DGKG: variants seen among roughly 807,000 people sequenced by gnomAD.
DGKG encodes the protein diacylglycerol kinase gamma, also known as DAG kinase gamma.
Under a neutral mutation model 105.3 loss-of-function variants are expected in DGKG, and 78 were observed. The observed-to-expected ratio is 0.74, with a 90% CI of 0.62 to 0.89. The LOEUF is 0.89. Ranked by LOEUF, DGKG falls within the 40% of genes least tolerant of loss-of-function variation. The pLI, the probability that DGKG is intolerant of heterozygous loss-of-function variation, is 0.00. For missense variants in DGKG, 958 were observed against 1,020.1 expected (o/e 0.94, Z 0.83); for synonymous variants, 346 against 367.1 (o/e 0.94, Z 0.66).
intron 3 of DGKG, 47 bp from the exon 4 acceptor site, chr3:186,298,276 C>G: frequency 1.3e-6 from 2 of 1,505,772 alleles, no homozygotes; most frequent in Non-Finnish European, 1.8e-6. Flanking sequence ...AGCAAAGGGA[C>G]AGAGAGGAAG....
intron 1 of DGKG, among the ~76,000 whole-genome samples, chr3:186,324,195 G>C (rs1255015093): frequency 6.6e-6 from 1 of 151,694 alleles, no homozygotes; most frequent in East Asian, 1.9e-4. Flanking sequence ...AGGACGCATA[G>C]GCACACTGCA....
chr3:186,322,435 G>A (rs1478757862), intron 1 of DGKG, among the ~76,000 whole-genome samples: 4 of 152,164 alleles, frequency 2.6e-5, no homozygotes, highest in Non-Finnish European at 4.4e-5. Flanking sequence ...GAAGGTGGAG[G>A]ATGGGAGGAG....
At chr3:186,339,261 T>G (rs1311665007) in intron 1 of DGKG, among the ~76,000 whole-genome samples, 1 of 152,192 alleles carries the variant, frequency 6.6e-6, no homozygotes, top group Non-Finnish European at 1.5e-5. Context: ...TCAGTGAACT[T>G]AAAGCCCATT....
At position 186,298,089 on chromosome 3, in the gene DGKG, G is replaced by C; in HGVS notation, c.285C>G (p.Ala95=). The C allele has an allele frequency of 6.2e-7, 1 of 1,613,048 alleles. No individual in the cohort carries two copies. Among genetic ancestry groups the C allele is most frequent in the Non-Finnish European group, 8.5e-7 (1 of 1,179,500 alleles). ...HETSDHPTEG[A]SNSEANSADT... is the part of the protein sequence containing the mutation. The stretch of plus-strand genomic sequence containing the variant: ...CTGCGCTGTTGGCCTCACTGTTGCT[G>C]GCTCCCTCCGTCGGGTGGTCAGAGG... The change falls in exon 4 of 25, where the codon GCC becomes GCG. Residue 95 remains alanine, a synonymous_variant. Coordinates refer to ENST00000265022, the MANE Select transcript of DGKG (RefSeq NM_001346.3).
chr3:186,268,046 A>G (rs893005056), intron 12 of DGKG, among the ~76,000 whole-genome samples: 1 of 152,136 alleles, frequency 6.6e-6, no homozygotes, highest in African/African-American at 2.4e-5. Flanking sequence ...GTGACCCTTC[A>G]GTGTGGCACC....
intron 20 of DGKG, 92 bp downstream of exon 20, chr3:186,242,412 G>T: frequency 8.7e-7 from 1 of 1,153,596 alleles, no homozygotes; most frequent in Non-Finnish European, 1.2e-6. Context: ...CAGCGGCCCT[G>T]GCTGGGAAAA....
At chr3:186,242,966 A>C (rs1049197639) in intron 19 of DGKG, among the ~76,000 whole-genome samples, 1 of 152,202 alleles carries the variant, frequency 6.6e-6, no homozygotes, top group African/African-American at 2.4e-5. Context: ...ATGACTTTCC[A>C]TACTAGTTCT....
intron 1 of DGKG, among the ~76,000 whole-genome samples, chr3:186,345,686 G>C (rs888161179): frequency 3.3e-5 from 5 of 152,100 alleles, no homozygotes; most frequent in African/African-American, 1.2e-4. Context: ...TTATTATCTG[G>C]GGTTTTAGGC....
intron 1 of DGKG, among the ~76,000 whole-genome samples, chr3:186,325,180 G>A (rs777377188): frequency 5.9e-5 from 9 of 152,126 alleles, no homozygotes; most frequent in Non-Finnish European, 1.2e-4. Flanking sequence ...ATAAGTGGGA[G>A]CTAAACATTG....
At chr3:186,150,212 A>C in intron 24 of DGKG, 24 bp from the exon 25 acceptor site, 1 of 1,597,998 alleles carries the variant, frequency 6.3e-7, no homozygotes, top group Non-Finnish European at 8.5e-7. Context: ...GGCAGAAATG[A>C]ATTAGTGGCA....
intron 1 of DGKG, among the ~76,000 whole-genome samples, chr3:186,325,519 C>G (rs1353364509): frequency 6.6e-6 from 1 of 152,046 alleles, no homozygotes; most frequent in Non-Finnish European, 1.5e-5. Flanking sequence ...GCTCATCAAC[C>G]CTTATCCACT....
At chr3:186,255,417 G>C (rs1721420086) in intron 17 of DGKG, among the ~76,000 whole-genome samples, 1 of 152,262 alleles carries the variant, frequency 6.6e-6, no homozygotes, top group Admixed American at 6.5e-5. Flanking sequence ...AGGTGACTGA[G>C]GCTGGTGGGT....
intron 19 of DGKG, among the ~76,000 whole-genome samples, chr3:186,245,322 C>T (rs1038136528): frequency 1.3e-5 from 2 of 152,176 alleles, no homozygotes; most frequent in Non-Finnish European, 2.9e-5. Flanking sequence ...TAGAGCAGCT[C>T]CTTTTCTAAG....
In DGKG at chr3:186,285,012, A is replaced by C. The variant is rs1228892433; in HGVS notation, c.545-303T>G. Among the ~76,000 whole-genome samples, 3 of 152,106 alleles carry C rather than the reference A, an allele frequency of 2.0e-5. No homozygotes were observed. In the East Asian group the frequency reaches 5.8e-4, roughly 29 times the overall value. The stretch of plus-strand genomic sequence containing the variant: ...TTCAGCGTCACTAGAACACAACCTA[A>C]AGCAAATGCCCAGCTGGGGGTGGGG... On this transcript the variant is annotated intron_variant, in intron 6 of 24. Transcript: ENST00000265022.
At chr3:186,343,646 G>A (rs1005856109) in intron 1 of DGKG, among the ~76,000 whole-genome samples, 4 of 152,100 alleles carry the variant, frequency 2.6e-5, no homozygotes, top group Non-Finnish European at 4.4e-5. Flanking sequence ...TCAACAGCGT[G>A]AGCATGATAC....
rs2108574309 is a variant in DGKG, at chr3:186,262,093, C to T, written c.1270-315G>A. The T allele has an allele frequency of 1.6e-5, 4 of 255,062 alleles. No individual in the cohort carries two copies. In the South Asian group the frequency reaches 1.9e-4, roughly 12 times the overall value. The allele number at this position is 255,062 out of a possible 1,614,324, so 15.8% of individuals were successfully genotyped here. A position where few individuals can be genotyped will look rare whatever the true frequency, so the allele number is the denominator to read the frequency against. ...GCACAAGATGAAATTTTGTGGGAGA[C>T]ACAGCTGAATATGATCTTAGAAAGC... On this transcript the variant is annotated intron_variant, in intron 14 of 24. Coordinates refer to ENST00000265022, the MANE Select transcript of DGKG (RefSeq NM_001346.3).
chr3:186,161,533 T>C (rs1716290965), intron 24 of DGKG, 70 bp downstream of exon 24: 2 of 1,610,208 alleles, frequency 1.2e-6, no homozygotes, highest in South Asian at 1.1e-5. Flanking sequence ...TGATTTCATA[T>C]TAAGTCAGTG....
At chr3:186,234,734 T>TA (rs1284223943) in intron 20 of DGKG, among the ~76,000 whole-genome samples, 1 of 152,214 alleles carries the variant, frequency 6.6e-6, no homozygotes, top group Non-Finnish European at 1.5e-5. Context: ...TGCTGCTGTG[T>TA]AACAGTCTGA....
chr3:186,189,883 C>A (rs1717822856), intron 21 of DGKG, among the ~76,000 whole-genome samples: 3 of 152,246 alleles, frequency 2.0e-5, no homozygotes, highest in Admixed American at 2.0e-4. Flanking sequence ...TCCTGTTCTC[C>A]CTTCTGAACC....
Sources: gnomAD v4.1 joint callset for allele counts (sites outside exome capture counted in the v4.1 genomes callset) on GRCh38, gnomAD v4.1.1 for gene constraint, MANE v1.5 for transcripts, NCBI Gene and HGNC (gene_info 2026-07-23, HGNC 2026-07-21) for gene names.